Variants in SLC38A12 observed in about 807,000 individuals in gnomAD.
The protein encoded by SLC38A12 is putative sodium-coupled neutral amino acid transporter 12.
chr17:74,823,535 T>C, the SLC38A12 span, among the ~76,000 whole-genome samples: 1 of 152,228 alleles, frequency 6.6e-6, no homozygotes. Flanking sequence ...ACTCAAAGCA[T>C]GGATGACATG....
At chr17:74,806,130 T>C in the SLC38A12 span, among the ~76,000 whole-genome samples, 2 of 152,210 alleles carry the variant, frequency 1.3e-5, no homozygotes, top group Admixed American at 6.5e-5. Context: ...AGGGGCTAGA[T>C]TGATGGCTCA....
At chr17:74,831,141 C>A in the SLC38A12 span, among the ~76,000 whole-genome samples, 1 of 152,242 alleles carries the variant, frequency 6.6e-6, no homozygotes, top group Non-Finnish European at 1.5e-5. Flanking sequence ...CACCACGTGC[C>A]TCCTTCCCTC....
At chr17:74,827,557 A>G in the SLC38A12 span, among the ~76,000 whole-genome samples, 6 of 151,996 alleles carry the variant, frequency 3.9e-5, no homozygotes, top group Non-Finnish European at 2.9e-5. This position sits in a 1 kb window ranked among gnomAD's most constrained non-coding sequence, Gnocchi z 4.7. Flanking sequence ...CGGCCTCCCA[A>G]AGTGGTGGGA....
the SLC38A12 span, among the ~76,000 whole-genome samples, chr17:74,783,193 C>G: frequency 6.6e-6 from 1 of 152,218 alleles, no homozygotes; most frequent in Non-Finnish European, 1.5e-5. Context: ...CTCTCAGACT[C>G]ACGTCAGAGA....
chr17:74,777,458 A>G, the SLC38A12 span: 627 of 1,599,154 alleles, frequency 3.9e-4, no homozygotes, highest in Non-Finnish European at 5.0e-4. Context: ...AGATGGGACT[A>G]GTGAGTGCTG....
At chr17:74,802,914 C>T in the SLC38A12 span, among the ~76,000 whole-genome samples, 4 of 152,140 alleles carry the variant, frequency 2.6e-5, no homozygotes, top group Admixed American at 2.6e-4. Context: ...GGCAGTGTAA[C>T]TTACCTGGTT....
the SLC38A12 span, among the ~76,000 whole-genome samples, chr17:74,798,961 T>C: frequency 6.6e-6 from 1 of 152,172 alleles, no homozygotes; most frequent in African/African-American, 2.4e-5. Flanking sequence ...GTGATAGGAT[T>C]GCGTATGAAC....
the SLC38A12 span, chr17:74,838,761 A>C: frequency 6.8e-7 from 1 of 1,468,586 alleles, no homozygotes; most frequent in African/African-American, 1.4e-5. Context: ...GGCCAGGGGC[A>C]GAGAACCCCA....
At chr17:74,832,668 T>G in the SLC38A12 span, among the ~76,000 whole-genome samples, 3 of 152,250 alleles carry the variant, frequency 2.0e-5, no homozygotes, top group Non-Finnish European at 4.4e-5. Flanking sequence ...GCAGCCGAGC[T>G]GCCACACAGC....
the SLC38A12 span, among the ~76,000 whole-genome samples, chr17:74,833,174 T>A: frequency 6.6e-6 from 1 of 152,164 alleles, no homozygotes; most frequent in Non-Finnish European, 1.5e-5. Context: ...CAGGTGCGCG[T>A]CACCAAGCCC....
At chr17:74,782,725 G>C in the SLC38A12 span, among the ~76,000 whole-genome samples, 1 of 152,170 alleles carries the variant, frequency 6.6e-6, no homozygotes. Flanking sequence ...ACCACTCTGA[G>C]CCAGGACTCC....
the SLC38A12 span, chr17:74,838,469 G>A: frequency 2.9e-6 from 3 of 1,020,222 alleles, no homozygotes; most frequent in South Asian, 1.2e-4. Flanking sequence ...TGCCACCCGA[G>A]GCTCCAAACC....
the SLC38A12 span, among the ~76,000 whole-genome samples, chr17:74,803,499 A>T: frequency 3.3e-3 from 499 of 152,216 alleles, 2 homozygotes; most frequent in African/African-American, 0.011. Flanking sequence ...TCAGTGGGGG[A>T]GTATCCATCC....
the SLC38A12 span, chr17:74,790,416 T>A: frequency 3.4e-4 from 298 of 879,038 alleles, 2 homozygotes; most frequent in Non-Finnish European, 3.9e-5. Flanking sequence ...CCCTGGGTTC[T>A]GAGGCAGGCC....
At chr17:74,818,771 ACAC>A in the SLC38A12 span, among the ~76,000 whole-genome samples, 1 of 152,204 alleles carries the variant, frequency 6.6e-6, no homozygotes, top group Non-Finnish European at 1.5e-5. Flanking sequence ...CTGATGCCTC[ACAC>A]TGCTTCCGAG....
chr17:74,817,512 T>C, the SLC38A12 span, among the ~76,000 whole-genome samples: 1 of 152,170 alleles, frequency 6.6e-6, no homozygotes, highest in Non-Finnish European at 1.5e-5. Context: ...TCTAGATTCA[T>C]ATTCCTGGTC....
At chr17:74,822,603 C>T in the SLC38A12 span, among the ~76,000 whole-genome samples, 1 of 152,240 alleles carries the variant, frequency 6.6e-6, no homozygotes, top group Non-Finnish European at 1.5e-5. Flanking sequence ...CTCCAGAATG[C>T]TGCTGGGGGC....
At chr17:74,808,225 G>T in the SLC38A12 span, among the ~76,000 whole-genome samples, 1 of 152,246 alleles carries the variant, frequency 6.6e-6, no homozygotes, top group African/African-American at 2.4e-5. Context: ...CCTTGAGGGG[G>T]CCACAGAGTG....
the SLC38A12 span, chr17:74,795,731 G>T: frequency 6.2e-5 from 57 of 924,176 alleles, no homozygotes; most frequent in Non-Finnish European, 9.3e-5. Flanking sequence ...TTTCCCCAGA[G>T]AGGAGGATCT....
Sources: allele counts gnomAD v4.1 joint callset (sites outside exome capture counted in the v4.1 genomes callset), GRCh38; gene constraint gnomAD v4.1.1; non-coding constraint Gnocchi (gnomAD v3.1); transcripts MANE v1.5; gene names NCBI Gene and HGNC (gene_info 2026-07-23, HGNC 2026-07-21).